ADGRA1: variants seen among roughly 807,000 people sequenced by gnomAD.
ADGRA1 encodes adhesion G protein-coupled receptor A1.
A neutral mutation model predicts 21.3 loss-of-function variants in ADGRA1; 12 were observed. The ratio of observed to expected loss-of-function variants is 0.56; its 90% CI spans 0.36 to 0.91. ADGRA1 has a LOEUF of 0.91. Ranked by LOEUF, ADGRA1 falls within the 40% of genes least tolerant of loss-of-function variation. The pLI is 0.01. For synonymous variants in ADGRA1, 385 were observed against 368.8 expected (o/e 1.04, Z -0.50); for missense variants, 790 against 805.6 (o/e 0.98, Z 0.23).
chr10:133,116,394 T>C (rs1340473918), intron 5 of ADGRA1, among the ~76,000 whole-genome samples: 1 of 151,754 alleles, frequency 6.6e-6, no homozygotes, highest in Non-Finnish European at 1.5e-5. Flanking sequence ...TCCTACGTGG[T>C]CCAGGCTTTG....
At chr10:133,108,343 T>C (rs562423855) in intron 5 of ADGRA1, among the ~76,000 whole-genome samples, 1 of 151,534 alleles carries the variant, frequency 6.6e-6, no homozygotes, top group African/African-American at 2.4e-5. Flanking sequence ...TAGGGGAGAG[T>C]TTAGGAGAAG....
chr10:133,112,426 ATGTCGGTTATTTGGGGTCTACGGGC>A (rs1852057725), intron 5 of ADGRA1, among the ~76,000 whole-genome samples: 1 of 95,850 alleles, frequency 1.0e-5, no homozygotes, highest in Admixed American at 1.0e-4. Context: ...TCTGCGGGCC[ATGTCGGTTATTTGGGGTCTACGGGC>A]CACGTCAGTT....
At chr10:133,118,219 C>G (rs144741592) in intron 5 of ADGRA1, among the ~76,000 whole-genome samples, 15 of 152,280 alleles carry the variant, frequency 9.9e-5, no homozygotes, top group African/African-American at 2.9e-4. Flanking sequence ...TGAGGACCAG[C>G]GGATGTACGG....
chr10:133,129,523 G>T lies in ADGRA1; in HGVS notation c.*12G>T, dbSNP rs767992022. 6.4e-7 allele frequency: 1 copy of T among 1,570,306 alleles called. No homozygotes were observed. The highest frequency in any genetic ancestry group is 1.1e-5 in the South Asian group (1 of 87,114). On this transcript the variant is annotated 3_prime_UTR_variant, in exon 7 of 7. Transcript: ENST00000392607. ...AAACTACTGTGTAGATGGGGGCAGA[G>T]GACACGGTGTTCCTGGAGGAGCTTC...
At position 133,111,869 on chromosome 10, in the gene ADGRA1, CTCCAG is replaced by C. The variant is rs1438163916; in HGVS notation, c.401+9028_401+9032del. On this transcript the variant is annotated intron_variant, in intron 5 of 6. Transcript: ENST00000392607. ...ACCACGGGCACCTCCCTCCTAATCC[CTCCAG>C]ACCACCTGCCCACCACAGACACCTC... Among the ~76,000 whole-genome samples the C allele has an allele frequency of 1.6e-3, 203 of 125,490 alleles. 1 individual carries two copies. Among genetic ancestry groups the C allele is most frequent in the Middle Eastern group, 8.3e-3 (2 of 242 alleles). The allele number at this position is 125,490 out of a possible 152,430, so 82.3% of individuals were successfully genotyped here.
At chr10:133,112,668 CAT>C (rs1360663551) in intron 5 of ADGRA1, among the ~76,000 whole-genome samples, 5 of 129,194 alleles carry the variant, frequency 3.9e-5, no homozygotes, top group African/African-American at 5.9e-5. Context: ...GTCTGTGGGC[CAT>C]GTCGGTTATT....
rs938648374 is a variant in ADGRA1 at position 133,103,005 on chromosome 10, C to G, written c.401+163C>G. On this transcript the variant is annotated intron_variant, in intron 5 of 6. Transcript: ENST00000392607. ...CCCAGGGAGGGTGGAGAGCGGGCGA[C>G]GGATCTGAGGGTAGGGTGGTGTGCT... Among the ~76,000 whole-genome samples, 7 of 143,476 alleles carry G rather than the reference C, an allele frequency of 4.9e-5. No individual in the cohort carries two copies. The South Asian group carries it at 9.5e-4, about 19-fold the overall frequency. 94.1% of individuals were successfully genotyped at this position (143,476 alleles called of 152,430 possible).
chr10:133,108,133 T>A (rs7089757), intron 5 of ADGRA1, among the ~76,000 whole-genome samples: 21,601 of 152,190 alleles, frequency 0.14, 1,829 homozygotes, highest in Non-Finnish European at 0.18. Flanking sequence ...GGACCAGGCA[T>A]CACACAGACC....
intron 5 of ADGRA1, among the ~76,000 whole-genome samples, chr10:133,116,623 G>A (rs138646777): frequency 2.6e-5 from 4 of 151,992 alleles, no homozygotes; most frequent in East Asian, 1.9e-4. Flanking sequence ...GGCCTCTCAC[G>A]ATGAAGAGAC....
At chr10:133,088,672 C>T in intron 1 of ADGRA1, 36 bp from the exon 2 acceptor site, 1 of 1,204,964 alleles carries the variant, frequency 8.3e-7, no homozygotes. Context: ...CGCGGGGACC[C>T]TCCGCCCGCC....
intron 5 of ADGRA1, among the ~76,000 whole-genome samples, chr10:133,122,829 G>A (rs142536955): frequency 1.0e-4 from 15 of 142,958 alleles, no homozygotes; most frequent in African/African-American, 2.8e-4. Flanking sequence ...AGGCACACGC[G>A]TCCCCAGGCA....
At chr10:133,093,467 G>A (rs942544815) in intron 2 of ADGRA1, among the ~76,000 whole-genome samples, 10 of 152,204 alleles carry the variant, frequency 6.6e-5, no homozygotes, top group African/African-American at 2.2e-4. Flanking sequence ...CGAGTCCCAC[G>A]CACGCCGGGC....
At chr10:133,095,908 A>T in intron 2 of ADGRA1, 1 of 1,231,916 alleles carries the variant, frequency 8.1e-7, no homozygotes, top group Non-Finnish European at 1.1e-6. Flanking sequence ...CCAGGGCAGC[A>T]TCCATGGCGT....
intron 5 of ADGRA1, among the ~76,000 whole-genome samples, chr10:133,106,665 A>G (rs907465652): frequency 6.6e-6 from 1 of 152,268 alleles, no homozygotes; most frequent in African/African-American, 2.4e-5. Context: ...CATCGGGGGT[A>G]CGGCAGCAGA....
chr10:133,097,693 G>GGCT (rs1278659926), intron 3 of ADGRA1, among the ~76,000 whole-genome samples: 1 of 152,214 alleles, frequency 6.6e-6, no homozygotes, highest in Admixed American at 6.5e-5. Context: ...GGTCTGTTTG[G>GGCT]GCTGCTGCAG....
At chr10:133,096,236 G>C (rs2135868425) in intron 2 of ADGRA1, among the ~76,000 whole-genome samples, 1 of 152,296 alleles carries the variant, frequency 6.6e-6, no homozygotes, top group Middle Eastern at 3.4e-3. Context: ...TCCCCAGCCT[G>C]TGCACCCCTC....
intron 5 of ADGRA1, among the ~76,000 whole-genome samples, chr10:133,124,839 C>T (rs899280272): frequency 5.0e-5 from 5 of 99,044 alleles, no homozygotes; most frequent in Admixed American, 5.0e-4. Context: ...CCCCCGGCCC[C>T]GGCCCCGGCC....
intron 2 of ADGRA1, among the ~76,000 whole-genome samples, chr10:133,092,723 C>A (rs1235066309): frequency 7.4e-6 from 1 of 134,280 alleles, no homozygotes; most frequent in Non-Finnish European, 1.5e-5. Context: ...GGAAGAAGCA[C>A]CTGAATGAAG....
intron 5 of ADGRA1, among the ~76,000 whole-genome samples, chr10:133,115,740 C>A (rs1301765168): frequency 1.3e-5 from 2 of 152,156 alleles, no homozygotes; most frequent in Admixed American, 6.5e-5. Context: ...ACCCTTGACA[C>A]ACCGGCTGCA....
Sources: gnomAD v4.1 joint callset for allele counts (sites outside exome capture counted in the v4.1 genomes callset) on GRCh38, gnomAD v4.1.1 for gene constraint, MANE v1.5 for transcripts, NCBI Gene and HGNC (gene_info 2026-07-23, HGNC 2026-07-21) for gene names.